RBPMS2: variants seen among roughly 807,000 people sequenced by gnomAD.
RBPMS2 encodes the protein RNA binding protein, mRNA processing factor 2, also known as RNA-binding protein with multiple splicing 2.
RBPMS2 carries 14 observed loss-of-function variants against 25.7 expected under a neutral mutation model. That is an observed-to-expected ratio of 0.55 (90% CI 0.36 to 0.85). The LOEUF is 0.85. Among genes scored for constraint, RBPMS2 ranks in the 40% least tolerant of loss-of-function variants. The pLI is 0.01. For synonymous variants in RBPMS2, 127 were observed against 115.6 expected (o/e 1.10, Z -0.63); for missense variants, 252 against 283.4 (o/e 0.89, Z 0.80).
chr15:64,749,373 C>A, intron 4 of RBPMS2, 58 bp downstream of exon 4: 1 of 1,484,428 alleles, frequency 6.7e-7, no homozygotes, highest in Non-Finnish European at 9.4e-7. Context: ...GATACATCTG[C>A]ACACCCACTG....
chr15:64,741,589 C>G (rs1387954327), intron 6 of RBPMS2, among the ~76,000 whole-genome samples: 1 of 152,222 alleles, frequency 6.6e-6, no homozygotes, highest in African/African-American at 2.4e-5. Context: ...ACTGACACAG[C>G]ACGGAATTCC....
chr15:64,749,501 G>A lies in RBPMS2; in HGVS notation c.205-8C>T. On this transcript the variant is annotated splice_polypyrimidine_tract_variant and splice_region_variant and intron_variant, in intron 3 of 7. Coordinates refer to ENST00000300069, the MANE Select transcript of RBPMS2 (RefSeq NM_194272.3). ...GATCACAAAACCAACAGGCTAGTAG[G>A]AAAAAGAGAGAACACCCTTATATCT... 2 of 1,607,032 alleles carry A rather than the reference G, an allele frequency of 1.2e-6. No individual in the cohort carries two copies. Among genetic ancestry groups the A allele is most frequent in the Non-Finnish European group, 1.7e-6 (2 of 1,177,906 alleles).
At chr15:64,751,938 A>G (rs2083685718) in intron 1 of RBPMS2, among the ~76,000 whole-genome samples, 1 of 151,620 alleles carries the variant, frequency 6.6e-6, no homozygotes, top group Non-Finnish European at 1.5e-5. Flanking sequence ...TGATAAGGGT[A>G]CAAACCCAGC....
At chr15:64,755,385 A>C (rs1412238836) in intron 1 of RBPMS2, among the ~76,000 whole-genome samples, 1 of 152,074 alleles carries the variant, frequency 6.6e-6, no homozygotes, top group Non-Finnish European at 1.5e-5. Context: ...CGGGAGGCTA[A>C]ATCACAGCAA....
intron 6 of RBPMS2, among the ~76,000 whole-genome samples, chr15:64,744,798 G>GTTGTTTTTTTTTTT (rs2083601378): frequency 6.5e-5 from 3 of 46,288 alleles, no homozygotes; most frequent in African/African-American, 2.2e-4. Context: ...GGTTTGTTTT[G>GTTGTTTTTTTTTTT]TTTTTTTTTT....
At position 64,775,331 on chromosome 15, in the gene RBPMS2, G is replaced by A. The variant is rs1451979369; in HGVS notation, c.-12C>T. On this transcript the variant is annotated 5_prime_UTR_variant, in exon 1 of 8. Coordinates refer to ENST00000300069, the MANE Select transcript of RBPMS2 (RefSeq NM_194272.3). ...TTCAGGTTGCTCATGGTGCGGGGGA[G>A]GGGGCGGCGGGAAGGAACGCGAGGG... The A allele has an allele frequency of 1.3e-5, 16 of 1,273,954 alleles. No homozygotes were observed. Among genetic ancestry groups the A allele is most frequent in the Non-Finnish European group, 1.6e-5 (16 of 1,004,918 alleles). The allele number at this position is 1,273,954 out of a possible 1,614,324, so 78.9% of individuals were successfully genotyped here.
In RBPMS2 at chr15:64,751,613, A is replaced by G; in HGVS notation, c.113T>C (p.Leu38Pro). 6.2e-7 allele frequency: 1 copy of G among 1,613,976 alleles called. No homozygotes were observed. Among genetic ancestry groups the G allele is most frequent in the African/African-American group, 1.3e-5 (1 of 75,002 alleles). ...TTCTCTGGGTTTAATGTCCACAGGG[A>G]GGCCGCTGACAAACAGTGTCCGGAC... ...EEVRTLFVSG[L>P]PVDIKPRELY... The change falls in exon 2 of 8, where the codon CTC (leucine) becomes CCC (proline). Residue 38 changes from leucine (L) to proline (P), a missense_variant. By Grantham distance (98) the Leu-to-Pro change is moderately conservative (BLOSUM62 -3). Transcript: ENST00000300069.
rs80261452 is a variant in RBPMS2 at position 64,772,133 on chromosome 15, T to C, written c.87+3100A>G. On this transcript the variant is annotated intron_variant, in intron 1 of 7. Transcript: ENST00000300069. ...ACTGGATTCATGGATAGGGAACCCATAGAAATGGAAGGCCAACAGCAACTG... is the reference window on the plus strand; with the variant it reads ...ACTGGATTCATGGATAGGGAACCCACAGAAATGGAAGGCCAACAGCAACTG... Among the ~76,000 whole-genome samples the C allele has an allele frequency of 3.5e-3, 539 of 152,330 alleles. 4 individuals carry two copies. Among genetic ancestry groups the C allele is most frequent in the African/African-American group, 0.013 (520 of 41,576 alleles).
At chr15:64,766,988 T>C (rs1319118304) in intron 1 of RBPMS2, among the ~76,000 whole-genome samples, 1 of 152,182 alleles carries the variant, frequency 6.6e-6, no homozygotes, top group Non-Finnish European at 1.5e-5. Context: ...TTCACCACAT[T>C]GCCCAGGGTG....
At chr15:64,770,698 TAAAGA>T (rs2083886681) in intron 1 of RBPMS2, among the ~76,000 whole-genome samples, 1 of 152,068 alleles carries the variant, frequency 6.6e-6, no homozygotes. Context: ...CTATTGATGT[TAAAGA>T]AAAGGGAGGT....
chr15:64,760,622 G>A (rs2083774779), intron 1 of RBPMS2, among the ~76,000 whole-genome samples: 1 of 151,854 alleles, frequency 6.6e-6, no homozygotes, highest in Non-Finnish European at 1.5e-5. Flanking sequence ...CTAACATGGT[G>A]AAATCCCCTT....
chr15:64,748,886 G>A, intron 5 of RBPMS2, 114 bp downstream of exon 5: 1 of 1,206,060 alleles, frequency 8.3e-7, no homozygotes, highest in Middle Eastern at 2.6e-4. Flanking sequence ...TTTCAAAAAT[G>A]GGTGGCCGTG....
rs748967917 is a variant in RBPMS2 at position 64,744,798 on chromosome 15, G to GTTTTTT, written c.568-3562_568-3557dup. ...TATTTAAGTTTTTTTGGTTTGTTTT[G>GTTTTTT]TTTTTTTTTTTTTTTTTTTTTTTTT... On this transcript the variant is annotated intron_variant, in intron 6 of 7. Coordinates refer to ENST00000300069, the MANE Select transcript of RBPMS2 (RefSeq NM_194272.3). Among the ~76,000 whole-genome samples, 28 of 46,296 alleles carry GTTTTTT rather than the reference G, an allele frequency of 6.0e-4. 3 individuals carry two copies. The highest frequency in any genetic ancestry group is 1.3e-3 in the South Asian group (1 of 764). The allele number at this position is 46,296 out of a possible 152,430, so 30.4% of individuals were successfully genotyped here.
intron 6 of RBPMS2, among the ~76,000 whole-genome samples, chr15:64,742,898 C>T (rs2083576416): frequency 6.6e-6 from 1 of 152,200 alleles, no homozygotes; most frequent in Non-Finnish European, 1.5e-5. Context: ...GAACCCGTTC[C>T]TATCCCCGCC....
chr15:64,740,098 C>A lies in RBPMS2; in HGVS notation c.*910G>T, dbSNP rs1247449724. On this transcript the variant is annotated 3_prime_UTR_variant, in exon 8 of 8. Coordinates refer to ENST00000300069, the MANE Select transcript of RBPMS2 (RefSeq NM_194272.3). ...TTCATTTTCTTAAACAAATGCCAGACACAAAGGCGTACTGCTGAAGAATGG... is the reference window on the plus strand; with the variant it reads ...TTCATTTTCTTAAACAAATGCCAGAAACAAAGGCGTACTGCTGAAGAATGG... The A allele has an allele frequency of 6.6e-6, 1 of 152,614 alleles. No homozygotes were observed. Among genetic ancestry groups the A allele is most frequent in the African/African-American group, 2.4e-5 (1 of 41,456 alleles). 9.5% of individuals were successfully genotyped at this position (152,614 alleles called of 1,614,324 possible).
chr15:64,751,680 C>A, intron 1 of RBPMS2, 42 bp from the exon 2 acceptor site: 1 of 1,545,074 alleles, frequency 6.5e-7, no homozygotes, highest in Non-Finnish European at 8.9e-7. Context: ...CTGCCCAAGA[C>A]GGACAGGGAT....
chr15:64,741,130 G>T, intron 7 of RBPMS2, 43 bp downstream of exon 7: 1 of 1,444,850 alleles, frequency 6.9e-7, no homozygotes, highest in South Asian at 1.2e-5. Context: ...CAGGGAGCCG[G>T]AGTCTAGGAC....
intron 6 of RBPMS2, among the ~76,000 whole-genome samples, chr15:64,747,134 G>A (rs941283477): frequency 4.6e-5 from 7 of 152,154 alleles, no homozygotes; most frequent in South Asian, 2.1e-4. Flanking sequence ...GGGGAAGAGC[G>A]CCAGGGTTAA....
In RBPMS2 at chr15:64,741,129, G is replaced by C. The variant is rs750779206; in HGVS notation, c.*7+44C>G. 3.5e-6 allele frequency: 5 copies of C among 1,447,578 alleles called. No homozygotes were observed. In the South Asian group the frequency reaches 6.1e-5, roughly 18 times the overall value. 89.7% of individuals were successfully genotyped at this position (1,447,578 alleles called of 1,614,324 possible). A position where few individuals can be genotyped will look rare whatever the true frequency, so the allele number is the denominator to read the frequency against. ...AGGAACTACGGCCCTTCAGGGAGCCGGAGTCTAGGACACTTGTCCTGGGCC... is the reference window on the plus strand; with the variant it reads ...AGGAACTACGGCCCTTCAGGGAGCCCGAGTCTAGGACACTTGTCCTGGGCC... On this transcript the variant is annotated intron_variant, in intron 7 of 7. Transcript: ENST00000300069.
Sources: gnomAD v4.1 joint callset for allele counts (sites outside exome capture counted in the v4.1 genomes callset) on GRCh38, gnomAD v4.1.1 for gene constraint, MANE v1.5 for transcripts, NCBI Gene and HGNC (gene_info 2026-07-23, HGNC 2026-07-21) for gene names.